The following TSHR variants were observed in gnomAD, a reference collection of about 807,000 sequenced individuals.
The protein encoded by TSHR is thyroid stimulating hormone receptor.
In TSHR, 51 loss-of-function variants were observed where a neutral mutation model predicts 64.1. The observed-to-expected ratio is 0.80, with a 90% CI of 0.64 to 1.01. The LOEUF is 1.01. Among genes scored for constraint, TSHR ranks in the 50% least tolerant of loss-of-function variants. The pLI, the probability that TSHR is intolerant of heterozygous loss-of-function variation, is 0.00. For synonymous variants in TSHR, 361 were observed against 361.9 expected (o/e 1.00, Z 0.03); for missense variants, 877 against 942.8 (o/e 0.93, Z 0.91).
At position 80,983,074 on chromosome 14, in the gene TSHR, A is replaced by G; in HGVS notation, c.170+27224A>G. Reference sequence around the variant, plus strand: ...ATTTGCCCAAGAGTTTATTAATGAAATGGTATAATGATGCTTATTGAAAGC... The same window carrying G: ...ATTTGCCCAAGAGTTTATTAATGAAGTGGTATAATGATGCTTATTGAAAGC... On this transcript the variant is annotated intron_variant, in intron 1 of 9. Transcript: ENST00000298171. 3 of 580,370 alleles carry G rather than the reference A, an allele frequency of 5.2e-6. No individual in the cohort carries two copies. The Admixed American group carries it at 8.2e-5, about 16-fold the overall frequency. 36.0% of individuals were successfully genotyped at this position (580,370 alleles called of 1,614,324 possible).
Position 80,956,043 on chromosome 14 carries a change from T to C in TSHR, c.170+193T>C, listed in dbSNP as rs1886659227. The stretch of plus-strand genomic sequence containing the variant: ...ATCGCCCACACTTGGGAAGGTATCA[T>C]TGTTGACATCCTCATTCCCAACACA... On this transcript the variant is annotated intron_variant, in intron 1 of 9. Coordinates refer to ENST00000298171, the MANE Select transcript of TSHR (RefSeq NM_000369.5). 8.9e-6 allele frequency: 6 copies of C among 675,176 alleles called. No homozygotes were observed. The South Asian group carries it at 1.0e-4, about 12-fold the overall frequency. 41.8% of individuals were successfully genotyped at this position (675,176 alleles called of 1,614,324 possible).
intron 1 of TSHR, among the ~76,000 whole-genome samples, chr14:81,016,510 C>T (rs1440659175): frequency 6.6e-6 from 1 of 152,110 alleles, no homozygotes; most frequent in Non-Finnish European, 1.5e-5. Context: ...CTTATATATA[C>T]TGGATATTAG....
At chr14:81,104,682 A>G (rs1160152378) in intron 7 of TSHR, 21 of 985,296 alleles carry the variant, frequency 2.1e-5, no homozygotes, top group Admixed American at 1.2e-4. Flanking sequence ...GAGTTTGTCA[A>G]TCGAATATTT....
chr14:81,103,509 G>A lies in TSHR; in HGVS notation c.615-4866G>A. 1.0e-6 allele frequency: 1 copy of A among 985,420 alleles called. No individual in the cohort carries two copies. The highest frequency in any genetic ancestry group is 1.2e-6 in the Non-Finnish European group (1 of 829,934). 61.0% of individuals were successfully genotyped at this position (985,420 alleles called of 1,614,324 possible). On this transcript the variant is annotated intron_variant, in intron 7 of 9. Transcript: ENST00000298171. This position sits in a 1 kb window ranked among gnomAD's most constrained non-coding sequence, Gnocchi z 4.1. ...AACTGAATAATACAATTACAGCCAA[G>A]CTGGACAAATTCCACATCGAGTGCA...
intron 1 of TSHR, chr14:80,957,940 A>G (rs1399763737): frequency 6.6e-6 from 1 of 152,206 alleles, no homozygotes; most frequent in Non-Finnish European, 1.5e-5. Context: ...CTTGAGAATA[A>G]TGGAGAGGGA....
intron 6 of TSHR, chr14:81,095,678 A>G (rs1322075177): frequency 6.6e-6 from 1 of 152,278 alleles, no homozygotes; most frequent in East Asian, 1.9e-4. Flanking sequence ...AATAGGAAAT[A>G]GAAGTAATAA....
intron 6 of TSHR, among the ~76,000 whole-genome samples, chr14:81,094,678 A>ATTTTTTTTTTTTTTTTT: frequency 2.5e-5 from 2 of 78,532 alleles, no homozygotes; most frequent in East Asian, 3.9e-4. Flanking sequence ...TTATTTTTTT[A>ATTTTTTTTTTTTTTTTT]ATTTTTTTTT....
chr14:80,993,361 C>A (rs1211001102), intron 1 of TSHR: 1 of 28,974 alleles, frequency 3.5e-5, no homozygotes, highest in Non-Finnish European at 7.8e-5. Flanking sequence ...AATCCATAGT[C>A]ACTAAATATT....
intron 3 of TSHR, among the ~76,000 whole-genome samples, chr14:81,076,991 A>G (rs187868680): frequency 3.3e-5 from 5 of 152,190 alleles, no homozygotes; most frequent in Admixed American, 6.5e-5. Context: ...ACCTCAGGGT[A>G]TTCACATGCT....
chr14:81,072,996 C>CAAA (rs1212879309), intron 3 of TSHR, among the ~76,000 whole-genome samples: 182 of 7,440 alleles, frequency 0.024, 11 homozygotes, highest in African/African-American at 0.045. Flanking sequence ...GACTCCGTCT[C>CAAA]AAAAAAAAAA....
intron 1 of TSHR, among the ~76,000 whole-genome samples, chr14:81,014,952 T>G (rs1890109631): frequency 6.6e-6 from 1 of 152,224 alleles, no homozygotes; most frequent in Admixed American, 6.5e-5. Context: ...AACCTTCACC[T>G]GATTCTTATT....
At position 80,985,956 on chromosome 14, in the gene TSHR, C is replaced by A. The variant is rs57204806; in HGVS notation, c.170+30106C>A. On this transcript the variant is annotated intron_variant, in intron 1 of 9. Transcript: ENST00000298171. ...CTCTTCCTGTCACATGTGCTGACAT[C>A]TCTTCTTACCTCGTGTCAGCATTAA... Among the ~76,000 whole-genome samples, 3 of 152,294 alleles carry A rather than the reference C, an allele frequency of 2.0e-5. No homozygotes were observed. In the East Asian group the frequency reaches 5.8e-4, roughly 29 times the overall value.
chr14:81,123,462 T>C (rs8019356), intron 8 of TSHR, among the ~76,000 whole-genome samples: 46,602 of 152,098 alleles, frequency 0.31, 8,048 homozygotes, highest in East Asian at 0.53. Flanking sequence ...AACCTTCCTG[T>C]ATCAAAACAG....
intron 8 of TSHR, among the ~76,000 whole-genome samples, chr14:81,137,800 T>G (rs1437311703): frequency 6.6e-6 from 1 of 152,248 alleles, no homozygotes; most frequent in African/African-American, 2.4e-5. Flanking sequence ...GCAAACACAT[T>G]ACTTGGATGA....
Position 81,103,958 on chromosome 14 carries a change from A to G in TSHR, c.615-4417A>G. 1 of 985,474 alleles carries G rather than the reference A, an allele frequency of 1.0e-6. No individual in the cohort carries two copies. Among genetic ancestry groups the G allele is most frequent in the South Asian group, 4.7e-5 (1 of 21,290 alleles). 61.0% of individuals were successfully genotyped at this position (985,474 alleles called of 1,614,324 possible). ...ATTATGAACAGAGTCAACAGAATTA[A>G]TGTGCTAATTAGCATCATGCATTAG... On this transcript the variant is annotated intron_variant, in intron 7 of 9. Transcript: ENST00000298171. The surrounding 1 kb of genome is among the most constrained non-coding windows in gnomAD (Gnocchi z 4.1).
At chr14:80,979,595 T>C (rs1438234756) in intron 1 of TSHR, among the ~76,000 whole-genome samples, 1 of 152,234 alleles carries the variant, frequency 6.6e-6, no homozygotes, top group Non-Finnish European at 1.5e-5. Flanking sequence ...TTGATCATTA[T>C]ACAATGTATA....
At position 81,108,744 on chromosome 14, in the gene TSHR, C is replaced by T. The variant is rs148080202; in HGVS notation, c.692+292C>T. 858 of 1,610,860 alleles carry T rather than the reference C, an allele frequency of 5.3e-4. 3 individuals are homozygous for T. The African/African-American group carries it at 0.011, about 20-fold the overall frequency. ...AGAGGCTCTGTTCATGGAGCAGCTG[C>T]TGTTTGAAAAATTTTGAAATGCAAG... On this transcript the variant is annotated intron_variant, in intron 8 of 9. Coordinates refer to ENST00000298171, the MANE Select transcript of TSHR (RefSeq NM_000369.5).
intron 1 of TSHR, among the ~76,000 whole-genome samples, chr14:81,004,083 T>C (rs1418415334): frequency 6.6e-6 from 1 of 152,224 alleles, no homozygotes; most frequent in Non-Finnish European, 1.5e-5. Context: ...TTTTATTTCA[T>C]TTCACTTTTC....
chr14:81,015,129 C>CA (rs1890118805), intron 1 of TSHR, among the ~76,000 whole-genome samples: 1 of 152,062 alleles, frequency 6.6e-6, no homozygotes, highest in Non-Finnish European at 1.5e-5. Flanking sequence ...TTTTTTGAAG[C>CA]ATAGAAATTG....
Sources: gnomAD v4.1 joint callset for allele counts (sites outside exome capture counted in the v4.1 genomes callset) on GRCh38, gnomAD v4.1.1 for gene constraint, Gnocchi (gnomAD v3.1) non-coding constraint, MANE v1.5 for transcripts, NCBI Gene and HGNC (gene_info 2026-07-23, HGNC 2026-07-21) for gene names.